Variants in RBM4B observed in about 807,000 individuals in gnomAD.
The protein encoded by RBM4B is RNA binding motif protein 4B, also known as RNA-binding protein 4B.
A neutral mutation model predicts 28.5 loss-of-function variants in RBM4B; 13 were observed. The ratio of observed to expected loss-of-function variants is 0.46; its 90% CI spans 0.30 to 0.72. The LOEUF is 0.72. Ranked by LOEUF, RBM4B falls within the 30% of genes least tolerant of loss-of-function variation. RBM4B has a pLI of 0.09. For missense variants in RBM4B, 387 were observed against 477.6 expected (o/e 0.81, Z 1.77); for synonymous variants, 167 against 179.1 (o/e 0.93, Z 0.54).
chr11:66,675,299 A>G (rs1039377796), intron 2 of RBM4B, among the ~76,000 whole-genome samples: 22 of 152,208 alleles, frequency 1.4e-4, no homozygotes, highest in African/African-American at 5.1e-4. Context: ...TACAGTAGGG[A>G]TCATTAACTC....
At position 66,677,402 on chromosome 11, in the gene RBM4B, G is replaced by T. The variant is rs1590890247; in HGVS notation, c.-12-311C>A. 4 of 395,076 alleles carry T rather than the reference G, an allele frequency of 1.0e-5. No individual in the cohort carries two copies. The East Asian group carries it at 2.0e-4, about 20-fold the overall frequency. The allele number at this position is 395,076 out of a possible 1,614,324, so 24.5% of individuals were successfully genotyped here. A position where few individuals can be genotyped will look rare whatever the true frequency, so the allele number is the denominator to read the frequency against. ...AGGGAAGAGAAAAGCCCAAGCAAAG[G>T]CAAGGGGCATCAATCGCAGTGCGCC... On this transcript the variant is annotated intron_variant, in intron 1 of 3. Transcript: ENST00000310046.
chr11:66,665,552 C>G lies in RBM4B; in HGVS notation c.*36G>C. ...CAAGTTCTCATATATGACCGCAGCCCGAGGGTTCAGTCCGCAATTATCCTA... is the reference window on the plus strand; with the variant it reads ...CAAGTTCTCATATATGACCGCAGCCGGAGGGTTCAGTCCGCAATTATCCTA... On this transcript the variant is annotated 3_prime_UTR_variant, in exon 4 of 4. Transcript: ENST00000310046. 2 of 1,527,142 alleles carry G rather than the reference C, an allele frequency of 1.3e-6. No homozygotes were observed. Among genetic ancestry groups the G allele is most frequent in the Non-Finnish European group, 1.8e-6 (2 of 1,138,762 alleles). 94.6% of individuals were successfully genotyped at this position (1,527,142 alleles called of 1,614,324 possible). A position where few individuals can be genotyped will look rare whatever the true frequency, so the allele number is the denominator to read the frequency against.
At chr11:66,665,679 A>C (rs1939200847) in intron 3 of RBM4B, 101 bp from the exon 4 acceptor site, 2 of 1,513,230 alleles carry the variant, frequency 1.3e-6, no homozygotes, top group Non-Finnish European at 1.8e-6. Flanking sequence ...CGGGGGGAAA[A>C]AAAAGAACAA....
intron 2 of RBM4B, among the ~76,000 whole-genome samples, chr11:66,674,421 G>T (rs1341804035): frequency 1.3e-5 from 2 of 151,462 alleles, no homozygotes; most frequent in East Asian, 3.9e-4. Context: ...GTAGAGACGG[G>T]GTTTCACCAT....
intron 2 of RBM4B, 44 bp from the exon 3 acceptor site, chr11:66,669,335 C>T: frequency 1.3e-6 from 2 of 1,567,096 alleles, no homozygotes; most frequent in Non-Finnish European, 1.7e-6. Context: ...ACTCACTTGA[C>T]ATTCTTTTTC....
At chr11:66,666,105 A>AC (rs1939223211) in intron 3 of RBM4B, 1 of 823,762 alleles carries the variant, frequency 1.2e-6, no homozygotes, top group South Asian at 1.9e-5. Context: ...CAACACACCT[A>AC]CATGTCACAC....
intron 3 of RBM4B, 124 bp downstream of exon 3, chr11:66,668,491 A>C: frequency 1.4e-6 from 1 of 711,146 alleles, no homozygotes. Flanking sequence ...GAAGACTAAC[A>C]TGTAATTTGC....
In RBM4B at chr11:66,668,881, G is replaced by A; in HGVS notation, c.823C>T (p.Leu275=). 1 of 1,614,208 alleles carries A rather than the reference G, an allele frequency of 6.2e-7. No individual in the cohort carries two copies. The highest frequency in any genetic ancestry group is 1.6e-4 in the Middle Eastern group (1 of 6,062). The change falls in exon 3 of 4, where the codon CTA becomes TTA. Residue 275 remains leucine (L), a synonymous_variant. Coordinates refer to ENST00000310046, the MANE Select transcript of RBM4B (RefSeq NM_031492.4). The part of the protein sequence containing the change: ...STSVDPYDRH[L]LPNSGAAATS... ...GCAGCAGCGCCAGAGTTTGGCAATAGGTGTCTGTCATAGGGATCAACAGAA... is the reference window on the plus strand; with the variant it reads ...GCAGCAGCGCCAGAGTTTGGCAATAAGTGTCTGTCATAGGGATCAACAGAA...
intron 2 of RBM4B, chr11:66,675,898 G>C (rs561440648): frequency 3.9e-5 from 6 of 152,304 alleles, no homozygotes; most frequent in African/African-American, 1.2e-4. Flanking sequence ...TACCATATTA[G>C]CACAGTTCTA....
intron 3 of RBM4B, chr11:66,668,158 T>A (rs1939316328): frequency 6.1e-6 from 1 of 164,752 alleles, no homozygotes; most frequent in South Asian, 1.5e-4. Context: ...ATCAGACAGG[T>A]CCAAATTTGA....
intron 2 of RBM4B, chr11:66,675,685 G>A (rs1055941224): frequency 3.3e-5 from 5 of 152,148 alleles, no homozygotes; most frequent in Non-Finnish European, 5.9e-5. Flanking sequence ...GGTCCAAGAC[G>A]ATACTGTTAA....
At chr11:66,667,757 A>T (rs1340571213) in intron 3 of RBM4B, 3 of 151,632 alleles carry the variant, frequency 2.0e-5, no homozygotes, top group African/African-American at 7.3e-5. Flanking sequence ...AGGCTGGAAT[A>T]CAGTGGTGTG....
rs1315571086 is a variant in RBM4B at position 66,676,957 on chromosome 11, G to A, written c.123C>T (p.His41=). ...CCTCAGCTGCCGTCTTGTCTTCTAT[G>A]TGCACAAAGCCGTAATTCTTAATGA... ...CDIIKNYGFV[H]IEDKTAAEDA... Residue 41 remains histidine, a synonymous_variant, in exon 2 of 4, where the codon CAC becomes CAT. Transcript: ENST00000310046. 6.2e-7 allele frequency: 1 copy of A among 1,614,000 alleles called. No homozygotes were observed. The highest frequency in any genetic ancestry group is 8.5e-7 in the Non-Finnish European group (1 of 1,180,024).
In RBM4B at chr11:66,676,981, G is replaced by T. The variant is rs1179342463; in HGVS notation, c.99C>A (p.Ile33=). ...EQYGKVLECD[I]IKNYGFVHIE... ...TGTGCACAAAGCCGTAATTCTTAAT[G>T]ATGTCACATTCCAGCACCTTCCCAT... Residue 33 remains isoleucine, a synonymous_variant, in exon 2 of 4, where the codon ATC becomes ATA. Coordinates refer to ENST00000310046, the MANE Select transcript of RBM4B (RefSeq NM_031492.4). The T allele has an allele frequency of 1.2e-6, 2 of 1,614,030 alleles. No homozygotes were observed. Among genetic ancestry groups the T allele is most frequent in the Non-Finnish European group, 1.7e-6 (2 of 1,180,044 alleles).
intron 3 of RBM4B, chr11:66,666,100 C>T: frequency 1.2e-6 from 1 of 847,398 alleles, no homozygotes; most frequent in Non-Finnish European, 1.8e-6. Flanking sequence ...AATTCCAACA[C>T]ACCTACATGT....
chr11:66,669,670 TC>T (rs1939396943), intron 2 of RBM4B, among the ~76,000 whole-genome samples: 1 of 152,244 alleles, frequency 6.6e-6, no homozygotes, highest in African/African-American at 2.4e-5. Context: ...GGTCTCAAAC[TC>T]CCGACCTTGG....
At chr11:66,672,686 G>A (rs1313548206) in intron 2 of RBM4B, among the ~76,000 whole-genome samples, 7 of 151,902 alleles carry the variant, frequency 4.6e-5, no homozygotes, top group African/African-American at 2.4e-5. Flanking sequence ...TAGTGGAGAC[G>A]AGGTTTCACC....
chr11:66,672,004 C>T (rs1348802542), intron 2 of RBM4B, among the ~76,000 whole-genome samples: 1 of 152,086 alleles, frequency 6.6e-6, no homozygotes, highest in African/African-American at 2.4e-5. Flanking sequence ...GCCTCAGCCC[C>T]CTCAAAGTGC....
rs750587634 is a variant in RBM4B, at chr11:66,665,109, T to A, written c.*479A>T. On this transcript the variant is annotated 3_prime_UTR_variant, in exon 4 of 4. Coordinates refer to ENST00000310046, the MANE Select transcript of RBM4B (RefSeq NM_031492.4). ...CTGTACCACGATCACAGGTCGGACA[T>A]AAAAAACAAACAAAACAACAAAACC... 10 of 156,088 alleles carry A rather than the reference T, an allele frequency of 6.4e-5. No homozygotes were observed. Among genetic ancestry groups the A allele is most frequent in the Non-Finnish European group, 1.3e-4 (9 of 70,796 alleles). The allele number at this position is 156,088 out of a possible 1,614,324, so 9.7% of individuals were successfully genotyped here. A position where few individuals can be genotyped will look rare whatever the true frequency, so the allele number is the denominator to read the frequency against.
Sources: allele counts gnomAD v4.1 joint callset (sites outside exome capture counted in the v4.1 genomes callset), GRCh38; gene constraint gnomAD v4.1.1; transcripts MANE v1.5; gene names NCBI Gene and HGNC (gene_info 2026-07-23, HGNC 2026-07-21).